The following GPLD1 variants were observed in gnomAD, a reference collection of about 807,000 sequenced individuals.
GPLD1 encodes the protein glycosylphosphatidylinositol specific phospholipase D1.
GPLD1 carries 84 observed loss-of-function variants against 112.6 expected under a neutral mutation model. That is an observed-to-expected ratio of 0.75 (90% CI 0.63 to 0.89). The LOEUF (loss-of-function observed/expected upper bound fraction) is 0.89. GPLD1 is among the 40% of genes least tolerant of loss of function. The pLI is 0.00. For missense variants in GPLD1, 1,044 were observed against 1,051.5 expected (o/e 0.99, Z 0.10); for synonymous variants, 386 against 403.8 (o/e 0.96, Z 0.53).
chr6:24,462,683 C>A, intron 11 of GPLD1, 47 bp downstream of exon 11: 1 of 1,241,944 alleles, frequency 8.1e-7, no homozygotes, highest in Non-Finnish European at 1.2e-6. Flanking sequence ...GGCATCTCCT[C>A]CAGGTGAGAT....
rs140895057 is a variant in GPLD1 at position 24,460,280 on chromosome 6, G to C, written c.1007C>G (p.Pro336Arg). The part of the protein sequence containing the change: ...GVFFSVNSWT[P>R]DSMSFIYKAL... ...CAACTTAGAGCAGAAAATTCTTACCGGGGTCCAGGAATTTACACTAAAGAA... is the reference window on the plus strand; with the variant it reads ...CAACTTAGAGCAGAAAATTCTTACCCGGGTCCAGGAATTTACACTAAAGAA... Residue 336 changes from proline to arginine, a missense_variant and splice_region_variant, in exon 12 of 25, where the codon CCG becomes CGG. Pro to Arg is a moderately radical substitution (Grantham distance 103). Coordinates refer to ENST00000230036, the MANE Select transcript of GPLD1 (RefSeq NM_001503.4). 1 of 1,613,666 alleles carries C rather than the reference G, an allele frequency of 6.2e-7. No homozygotes were observed. The highest frequency in any genetic ancestry group is 1.3e-5 in the African/African-American group (1 of 75,004).
At chr6:24,469,871 C>G (rs1346986374) in intron 7 of GPLD1, among the ~76,000 whole-genome samples, 1 of 151,906 alleles carries the variant, frequency 6.6e-6, no homozygotes, top group Non-Finnish European at 1.5e-5. Flanking sequence ...AAGAAAGAAA[C>G]AATTGAGAGA....
intron 20 of GPLD1, 33 bp from the exon 21 acceptor site, chr6:24,437,322 A>G: frequency 1.3e-6 from 2 of 1,599,416 alleles, no homozygotes; most frequent in African/African-American, 1.3e-5. Flanking sequence ...CTGGCCTCAC[A>G]GAAAGGAAGG....
intron 12 of GPLD1, among the ~76,000 whole-genome samples, chr6:24,458,748 G>A (rs548905638): frequency 2.6e-4 from 40 of 152,118 alleles, no homozygotes; most frequent in Admixed American, 5.2e-4. Context: ...GCATGGTGGC[G>A]GGTGCCTGTA....
intron 7 of GPLD1, among the ~76,000 whole-genome samples, chr6:24,469,063 C>T (rs1271891458): frequency 3.9e-5 from 6 of 152,186 alleles, no homozygotes; most frequent in Non-Finnish European, 8.8e-5. Flanking sequence ...CAAAGAGCAG[C>T]ATTTAAAAAC....
At chr6:24,486,554 C>T (rs1451411806) in intron 1 of GPLD1, among the ~76,000 whole-genome samples, 3 of 152,172 alleles carry the variant, frequency 2.0e-5, no homozygotes, top group Non-Finnish European at 4.4e-5. Flanking sequence ...TGGTGGCTCA[C>T]ACCTGTAATC....
intron 20 of GPLD1, among the ~76,000 whole-genome samples, 153 bp downstream of exon 20, chr6:24,445,393 T>C (rs1762877171): frequency 6.6e-6 from 1 of 151,778 alleles, no homozygotes. Flanking sequence ...GTTAAGTAAC[T>C]TCCCCAAAGT....
chr6:24,435,836 A>AAAAATAAAAAAAAAAAAAAAAAAT (rs1762559409), intron 22 of GPLD1: 5 of 146,528 alleles, frequency 3.4e-5, no homozygotes, highest in Non-Finnish European at 6.1e-5. Context: ...AAAAAAAAAA[A>AAAAATAAAAAAAAAAAAAAAAAAT]AAAAAAAAAA....
At chr6:24,491,018 T>C (rs1177336323), upstream of GPLD1, among the ~76,000 whole-genome samples, 2 of 152,212 alleles carry the variant, frequency 1.3e-5, no homozygotes, top group African/African-American at 4.8e-5. Context: ...AAAATTCACG[T>C]AGAAATCTAG....
At chr6:24,493,617 A>G (rs768624293), upstream of GPLD1, among the ~76,000 whole-genome samples, 8 of 152,356 alleles carry the variant, frequency 5.3e-5, 1 homozygote, top group Middle Eastern at 0.024. Flanking sequence ...CCACATCCCT[A>G]TTAGGACTCC....
upstream of GPLD1, among the ~76,000 whole-genome samples, chr6:24,490,744 CCT>C (rs1463871744): frequency 1.4e-5 from 2 of 145,930 alleles, no homozygotes; most frequent in African/African-American, 5.1e-5. Flanking sequence ...AGAGCAAGAC[CCT>C]GTCTCAAAAA....
intron 10 of GPLD1, among the ~76,000 whole-genome samples, chr6:24,465,673 G>T (rs954175767): frequency 1.3e-5 from 2 of 152,172 alleles, no homozygotes; most frequent in African/African-American, 4.8e-5. Context: ...ATCTACTACA[G>T]CTAGAAGTGG....
At chr6:24,453,022 C>T (rs956206961) in intron 14 of GPLD1, among the ~76,000 whole-genome samples, 9 of 152,010 alleles carry the variant, frequency 5.9e-5, no homozygotes, top group African/African-American at 2.2e-4. Context: ...CACGCTCCTC[C>T]TTATTGCTGT....
At chr6:24,471,425 A>T (rs1359236373) in intron 7 of GPLD1, among the ~76,000 whole-genome samples, 1 of 152,128 alleles carries the variant, frequency 6.6e-6, no homozygotes, top group African/African-American at 2.4e-5. Flanking sequence ...ATCACACACC[A>T]CTGCACTCCA....
chr6:24,459,243 C>A (rs1310644793), intron 12 of GPLD1, among the ~76,000 whole-genome samples: 1 of 134,420 alleles, frequency 7.4e-6, no homozygotes, highest in Non-Finnish European at 1.5e-5. Context: ...AGCTTTTCTC[C>A]CTGCTATTTT....
intron 22 of GPLD1, among the ~76,000 whole-genome samples, chr6:24,436,113 G>C (rs549364570): frequency 6.6e-6 from 1 of 151,696 alleles, no homozygotes; most frequent in Non-Finnish European, 1.5e-5. Flanking sequence ...AAGATTAGCC[G>C]GGTGTGGTGG....
rs1385833486 is a variant in GPLD1 at position 24,479,922 on chromosome 6, A to G, written c.191T>C (p.Ile64Thr). The change falls in exon 3 of 25, where the codon ATC (isoleucine) becomes ACC (threonine). Residue 64 changes from isoleucine to threonine, a missense_variant. Physicochemically the swap from Ile to Thr is moderately conservative, Grantham distance 89. Transcript: ENST00000230036. ...AGGGTAAAAACAATCAGGAAACACG[A>G]TTCCAGCCTGATACGCATCCTGGTG... is the stretch of plus-strand genomic sequence containing the variant. Reference protein sequence around the residue: ...LEHQDAYQAGIVFPDCFYPSI... With the variant: ...LEHQDAYQAGTVFPDCFYPSI... 4 of 1,611,632 alleles carry G rather than the reference A, an allele frequency of 2.5e-6. No individual in the cohort carries two copies. The highest frequency in any genetic ancestry group is 3.3e-5 in the Admixed American group (2 of 60,024).
intron 7 of GPLD1, among the ~76,000 whole-genome samples, chr6:24,471,179 C>G (rs1763805996): frequency 6.6e-6 from 1 of 152,084 alleles, no homozygotes; most frequent in Non-Finnish European, 1.5e-5. Context: ...AGAAACTGAC[C>G]CATACATATA....
intron 20 of GPLD1, among the ~76,000 whole-genome samples, chr6:24,441,185 A>T (rs1339810949): frequency 6.6e-6 from 1 of 151,932 alleles, no homozygotes; most frequent in Non-Finnish European, 1.5e-5. Context: ...GCGTGCCTGT[A>T]GTTCCAGCTA....
Sources: gnomAD v4.1 joint callset for allele counts (sites outside exome capture counted in the v4.1 genomes callset) on GRCh38, gnomAD v4.1.1 for gene constraint, MANE v1.5 for transcripts, NCBI Gene and HGNC (gene_info 2026-07-23, HGNC 2026-07-21) for gene names.